Variants in NFIL3 observed in about 807,000 individuals in gnomAD.
NFIL3 encodes nuclear factor interleukin-3-regulated protein.
In NFIL3, 5 loss-of-function variants were observed where a neutral mutation model predicts 10.0. The ratio of observed to expected loss-of-function variants is 0.50; its 90% CI spans 0.26 to 1.06. The LOEUF (loss-of-function observed/expected upper bound fraction) is 1.06, where lower values mean the gene tolerates loss of function less well. Ranked by LOEUF, NFIL3 falls within the 50% of genes least tolerant of loss-of-function variation. The probability of loss-of-function intolerance (pLI) is 0.13; values close to 1 mark genes in which losing one functional copy is unlikely to be tolerated. For synonymous variants in NFIL3, 202 were observed against 206.5 expected (o/e 0.98, Z 0.19); for missense variants, 436 against 547.6 (o/e 0.80, Z 2.03).
the NFIL3 span, among the ~76,000 whole-genome samples, chr9:91,457,293 T>A: frequency 6.6e-6 from 1 of 152,094 alleles, no homozygotes; most frequent in Non-Finnish European, 1.5e-5. Flanking sequence ...TCATTGAATT[T>A]ATAGATCAAT....
the NFIL3 span, among the ~76,000 whole-genome samples, chr9:91,462,859 T>C: frequency 6.6e-6 from 1 of 151,138 alleles, no homozygotes; most frequent in African/African-American, 2.4e-5. Context: ...TAGTTATTAT[T>C]ATTCAATTTG....
chr9:91,442,262 AC>A, the NFIL3 span, among the ~76,000 whole-genome samples: 1 of 152,022 alleles, frequency 6.6e-6, no homozygotes. Flanking sequence ...TAAATATATT[AC>A]CCCTTTCTTT....
upstream of NFIL3, among the ~76,000 whole-genome samples, chr9:91,425,225 TA>T (rs1833858031): frequency 6.6e-6 from 1 of 152,190 alleles, no homozygotes; most frequent in South Asian, 2.1e-4. Context: ...AAAACCAAAG[TA>T]AAGAGAAGAG....
upstream of NFIL3, among the ~76,000 whole-genome samples, chr9:91,424,187 A>C (rs1833834845): frequency 6.6e-6 from 1 of 151,378 alleles, no homozygotes; most frequent in African/African-American, 2.4e-5. Context: ...CCCCCGTCCC[A>C]CCGCCCCGTC....
At chr9:91,420,471 T>G in intron 1 of NFIL3, among the ~76,000 whole-genome samples, 1 of 151,904 alleles carries the variant, frequency 6.6e-6, no homozygotes, top group South Asian at 2.1e-4. Flanking sequence ...TTTTATTCCC[T>G]CAGTTTACCC....
chr9:91,442,835 G>A, the NFIL3 span, among the ~76,000 whole-genome samples: 6 of 152,076 alleles, frequency 3.9e-5, no homozygotes, highest in East Asian at 1.9e-4. Context: ...TGAGCTCCCC[G>A]AAGGGCCACA....
At position 91,423,590 on chromosome 9, in the gene NFIL3, C is replaced by T. The variant is rs1013973327; in HGVS notation, c.-173+50G>A. 9.5e-5 allele frequency: 14 copies of T among 147,654 alleles called. 1 individual carries two copies. The highest frequency in any genetic ancestry group is 6.0e-5 in the Non-Finnish European group (4 of 66,268). The allele number at this position is 147,654 out of a possible 1,614,324, so 9.1% of individuals were successfully genotyped here. On this transcript the variant is annotated intron_variant, in intron 1 of 1. Transcript: ENST00000297689. The stretch of plus-strand genomic sequence containing the variant: ...CGCCCGCCCGCCCGCCCGCAGCGCG[C>T]CCTGGGAGCGGTCGCCGGGCCCCCG...
the NFIL3 span, among the ~76,000 whole-genome samples, chr9:91,466,645 G>A: frequency 3.2e-4 from 48 of 152,232 alleles, no homozygotes; most frequent in South Asian, 3.1e-3. Context: ...ACCCAAGAAC[G>A]TTGCATCCTT....
intron 1 of NFIL3, among the ~76,000 whole-genome samples, chr9:91,411,800 T>C (rs777033423): frequency 1.3e-5 from 2 of 152,154 alleles, no homozygotes; most frequent in African/African-American, 4.8e-5. Context: ...ATAGTAGCTT[T>C]GAACTAAAAA....
the NFIL3 span, among the ~76,000 whole-genome samples, chr9:91,482,047 T>G: frequency 9.1e-4 from 138 of 152,186 alleles, no homozygotes; most frequent in Non-Finnish European, 1.7e-3. Flanking sequence ...ACTTGCATAC[T>G]TTGCCCGTGG....
chr9:91,437,980 A>G, the NFIL3 span, among the ~76,000 whole-genome samples: 1 of 152,198 alleles, frequency 6.6e-6, no homozygotes, highest in Non-Finnish European at 1.5e-5. Flanking sequence ...GGGCGTGCAC[A>G]TACCTTTATG....
At chr9:91,462,815 A>G in the NFIL3 span, among the ~76,000 whole-genome samples, 26 of 105,140 alleles carry the variant, frequency 2.5e-4, no homozygotes, top group Admixed American at 2.4e-3. Context: ...TCAAGGCCCA[A>G]TGTTTTTTTT....
chr9:91,474,316 TTC>T, the NFIL3 span, among the ~76,000 whole-genome samples: 1 of 152,174 alleles, frequency 6.6e-6, no homozygotes, highest in Admixed American at 6.5e-5. Flanking sequence ...TAGTATGTAA[TTC>T]TTTTTATATA....
At chr9:91,482,850 A>G in the NFIL3 span, among the ~76,000 whole-genome samples, 4 of 152,294 alleles carry the variant, frequency 2.6e-5, no homozygotes, top group African/African-American at 7.2e-5. Context: ...ACTCTAGAGT[A>G]TGGTGAAGAA....
intron 1 of NFIL3, among the ~76,000 whole-genome samples, chr9:91,417,174 G>A (rs1201976567): frequency 6.6e-6 from 1 of 152,070 alleles, no homozygotes; most frequent in African/African-American, 2.4e-5. Context: ...AATAGAAGAT[G>A]AAATACTATT....
At chr9:91,440,133 G>A in the NFIL3 span, among the ~76,000 whole-genome samples, 2 of 152,038 alleles carry the variant, frequency 1.3e-5, no homozygotes, top group African/African-American at 4.8e-5. Context: ...AGCTGCGAAG[G>A]CATCTGGTCT....
At chr9:91,434,727 T>C in the NFIL3 span, among the ~76,000 whole-genome samples, 14 of 152,018 alleles carry the variant, frequency 9.2e-5, no homozygotes, top group East Asian at 7.7e-4. Flanking sequence ...CAACATCCAA[T>C]AGGAAAATAG....
chr9:91,432,466 T>C, the NFIL3 span, among the ~76,000 whole-genome samples: 2 of 152,312 alleles, frequency 1.3e-5, no homozygotes, highest in South Asian at 4.1e-4. Context: ...GCCAATTTCT[T>C]TCGGAACCTG....
the NFIL3 span, among the ~76,000 whole-genome samples, chr9:91,463,117 T>C: frequency 6.6e-6 from 1 of 151,926 alleles, no homozygotes; most frequent in Non-Finnish European, 1.5e-5. Flanking sequence ...ATCGATCTTA[T>C]TGATATTTTC....
Sources: allele counts gnomAD v4.1 joint callset (sites outside exome capture counted in the v4.1 genomes callset), GRCh38; gene constraint gnomAD v4.1.1; transcripts MANE v1.5; gene names NCBI Gene and HGNC (gene_info 2026-07-23, HGNC 2026-07-21).